The following TADA2A variants were observed in gnomAD, a reference collection of about 807,000 sequenced individuals.
TADA2A encodes transcriptional adapter 2-alpha.
In TADA2A, 38 loss-of-function variants were observed where a neutral mutation model predicts 67.4. The observed-to-expected ratio is 0.56, with a 90% CI of 0.44 to 0.74. The LOEUF is 0.74. TADA2A is among the 30% of genes least tolerant of loss of function. TADA2A has a pLI of 0.00. For missense variants in TADA2A, 454 were observed against 547.0 expected, an observed-to-expected ratio of 0.83 and a Z score of 1.70; for synonymous variants, 192 against 181.6, an observed-to-expected ratio of 1.06 and a Z score of -0.46.
At chr17:37,415,675 C>T (rs915231146) in intron 2 of TADA2A, among the ~76,000 whole-genome samples, 3 of 148,854 alleles carry the variant, frequency 2.0e-5, no homozygotes, top group South Asian at 2.1e-4. Flanking sequence ...GTCAGGTGTT[C>T]GAGACCAGCC....
At chr17:37,455,801 G>A (rs1185203468) in intron 8 of TADA2A, among the ~76,000 whole-genome samples, 1 of 152,134 alleles carries the variant, frequency 6.6e-6, no homozygotes, top group Non-Finnish European at 1.5e-5. Flanking sequence ...TTAATACTCT[G>A]GAACCAGACT....
chr17:37,444,073 TCAA>T (rs367792772), intron 7 of TADA2A, among the ~76,000 whole-genome samples: 44 of 151,766 alleles, frequency 2.9e-4, no homozygotes, highest in African/African-American at 9.9e-4. Context: ...CGCTGTTTCT[TCAA>T]CAACAACAAC....
At chr17:37,465,776 C>G in intron 11 of TADA2A, 1 of 620,798 alleles carries the variant, frequency 1.6e-6, no homozygotes, top group South Asian at 2.5e-5. Flanking sequence ...TAGTTTTTCT[C>G]CCTACTTTGT....
chr17:37,432,189 C>T (rs991548826), intron 4 of TADA2A, among the ~76,000 whole-genome samples: 2 of 150,300 alleles, frequency 1.3e-5, no homozygotes, highest in African/African-American at 4.9e-5. Flanking sequence ...TTTTTTGTGA[C>T]AGTCTTGCTC....
At chr17:37,473,877 GTCTT>G (rs2053842625) in intron 14 of TADA2A, among the ~76,000 whole-genome samples, 1 of 152,204 alleles carries the variant, frequency 6.6e-6, no homozygotes, top group Non-Finnish European at 1.5e-5. Flanking sequence ...TGGCCTAACA[GTCTT>G]TCTTTGATCT....
intron 9 of TADA2A, among the ~76,000 whole-genome samples, chr17:37,461,630 C>T (rs533320998): frequency 1.3e-5 from 2 of 152,170 alleles, no homozygotes; most frequent in Non-Finnish European, 2.9e-5. Flanking sequence ...CTAGTACCGC[C>T]AGTGTTGTGT....
chr17:37,424,547 GT>G (rs200783555), intron 3 of TADA2A, among the ~76,000 whole-genome samples: 10 of 151,546 alleles, frequency 6.6e-5, no homozygotes, highest in Non-Finnish European at 1.3e-4. Flanking sequence ...AGTTAACACT[GT>G]TTTTTTTGTT....
chr17:37,426,562 AGAGGCT>A (rs1276768082), intron 3 of TADA2A: 1 of 152,802 alleles, frequency 6.5e-6, no homozygotes, highest in Non-Finnish European at 1.4e-5. Flanking sequence ...CAGCTACTCG[AGAGGCT>A]GAAGCAGGAG....
intron 8 of TADA2A, among the ~76,000 whole-genome samples, chr17:37,456,841 GAA>G (rs942297192): frequency 2.6e-5 from 4 of 152,176 alleles, no homozygotes; most frequent in African/African-American, 9.7e-5. Flanking sequence ...TCTGAAGATG[GAA>G]AGAGTGGCTA....
At chr17:37,431,979 C>G (rs1248585478) in intron 4 of TADA2A, among the ~76,000 whole-genome samples, 7 of 152,050 alleles carry the variant, frequency 4.6e-5, no homozygotes, top group Non-Finnish European at 1.0e-4. Context: ...TCACATTCCC[C>G]GTCATTTCAT....
intron 12 of TADA2A, 49 bp downstream of exon 12, chr17:37,467,574 G>GAC (rs1262694954): frequency 6.9e-7 from 1 of 1,441,104 alleles, no homozygotes; most frequent in Admixed American, 1.9e-5. Context: ...GTATCTTCCA[G>GAC]ACACACAGAG....
intron 8 of TADA2A, among the ~76,000 whole-genome samples, chr17:37,447,905 T>C (rs2053127573): frequency 6.6e-6 from 1 of 152,180 alleles, no homozygotes; most frequent in Non-Finnish European, 1.5e-5. Flanking sequence ...AGGACACTGA[T>C]TCAGCCTCTG....
chr17:37,470,383 G>A lies in TADA2A; in HGVS notation c.896-17G>A. ...GCTGCATTGTCATTGTGGTCATTGT[G>A]TTTTCTATACCCCCAGGTGCCAGAA... On this transcript the variant is annotated splice_polypyrimidine_tract_variant and intron_variant, in intron 12 of 15. Coordinates refer to ENST00000615182, the MANE Select transcript of TADA2A (RefSeq NM_001166105.3). The A allele has an allele frequency of 5.0e-6, 8 of 1,613,306 alleles. No individual in the cohort carries two copies. The highest frequency in any genetic ancestry group is 6.8e-6 in the Non-Finnish European group (8 of 1,179,730).
chr17:37,465,544 A>C lies in TADA2A; in HGVS notation c.823+3A>C, dbSNP rs2053646303. The C allele has an allele frequency of 6.2e-7, 1 of 1,613,998 alleles. No individual in the cohort carries two copies. The highest frequency in any genetic ancestry group is 1.3e-5 in the African/African-American group (1 of 74,920). On this transcript the variant is annotated splice_donor_region_variant and intron_variant, in intron 11 of 15. Coordinates refer to ENST00000615182, the MANE Select transcript of TADA2A (RefSeq NM_001166105.3). ...CAAATTCATTGAAAGCCATGCATGTAGGTGGTTTTTGAGCCTTGAGCAGTA... is the reference window on the plus strand; with the variant it reads ...CAAATTCATTGAAAGCCATGCATGTCGGTGGTTTTTGAGCCTTGAGCAGTA...
chr17:37,458,771 G>A (rs992842611), intron 9 of TADA2A, among the ~76,000 whole-genome samples, 184 bp downstream of exon 9: 7 of 151,900 alleles, frequency 4.6e-5, no homozygotes, highest in South Asian at 2.1e-4. Context: ...CAACCTCTCA[G>A]GCTCAATTGA....
At chr17:37,428,069 C>T (rs149569986) in intron 4 of TADA2A, among the ~76,000 whole-genome samples, 309 of 152,266 alleles carry the variant, frequency 2.0e-3, no homozygotes, top group African/African-American at 7.0e-3. Flanking sequence ...TGACATTTGG[C>T]CCCCATGCAG....
At chr17:37,444,103 CA>C (rs2053004841) in intron 7 of TADA2A, among the ~76,000 whole-genome samples, 2 of 151,816 alleles carry the variant, frequency 1.3e-5, no homozygotes, top group South Asian at 4.2e-4. Flanking sequence ...AACCCGAAAC[CA>C]AAAATTAACT....
At chr17:37,460,240 T>C (rs373170121) in intron 9 of TADA2A, among the ~76,000 whole-genome samples, 1 of 151,532 alleles carries the variant, frequency 6.6e-6, no homozygotes, top group East Asian at 2.0e-4. Flanking sequence ...TTTATTTTTA[T>C]TTTTTATTTT....
chr17:37,417,334 C>T (rs370938333), intron 2 of TADA2A, among the ~76,000 whole-genome samples: 10 of 150,490 alleles, frequency 6.6e-5, no homozygotes, highest in African/African-American at 2.4e-4. Flanking sequence ...TGAGATCGCG[C>T]CACTGCACTA....
Sources: gnomAD v4.1 joint callset for allele counts (sites outside exome capture counted in the v4.1 genomes callset) on GRCh38, gnomAD v4.1.1 for gene constraint, MANE v1.5 for transcripts, NCBI Gene and HGNC (gene_info 2026-07-23, HGNC 2026-07-21) for gene names.